AKNA: variants seen among roughly 807,000 people sequenced by gnomAD.
AKNA encodes AT-hook transcription factor.
In AKNA, 67 loss-of-function variants were observed where a neutral mutation model predicts 138.8. That is an observed-to-expected ratio of 0.48 (90% CI 0.40 to 0.59). The LOEUF (loss-of-function observed/expected upper bound fraction) is 0.59. Among genes scored for constraint, AKNA ranks in the 20% least tolerant of loss-of-function variants. The pLI is 0.00. For missense variants in AKNA, 1,813 were observed against 1,880.4 expected, an observed-to-expected ratio of 0.96 and a Z score of 0.66; for synonymous variants, 737 against 754.4, an observed-to-expected ratio of 0.98 and a Z score of 0.38.
chr9:114,334,992 T>A lies in AKNA; in HGVS notation c.*2062A>T, dbSNP rs1395762701. The A allele has an allele frequency of 6.6e-6, 1 of 152,200 alleles. No homozygotes were observed. The highest frequency in any genetic ancestry group is 1.5e-5 in the Non-Finnish European group (1 of 68,052). 9.4% of individuals were successfully genotyped at this position (152,200 alleles called of 1,614,324 possible). A position where few individuals can be genotyped will look rare whatever the true frequency, so the allele number is the denominator to read the frequency against. Reference sequence around the variant, plus strand: ...GGACAGCCTCTGGGGTCCCACAATGTCCTGGAACTGAAGGCTCAGAACCTA... The same window carrying A: ...GGACAGCCTCTGGGGTCCCACAATGACCTGGAACTGAAGGCTCAGAACCTA... On this transcript the variant is annotated 3_prime_UTR_variant, in exon 22 of 22. Transcript: ENST00000374088.
chr9:114,381,535 A>G, intron 1 of AKNA, 89 bp from the exon 2 acceptor site: 1 of 1,244,618 alleles, frequency 8.0e-7, no homozygotes, highest in South Asian at 3.1e-5. Context: ...GAACTCTGGA[A>G]TTAGCCCCAG....
intron 14 of AKNA, among the ~76,000 whole-genome samples, chr9:114,351,898 T>C (rs1831150798): frequency 6.6e-6 from 1 of 152,096 alleles, no homozygotes; most frequent in African/African-American, 2.4e-5. Context: ...CAGCAATATA[T>C]AAAGGAGCTA....
At chr9:114,397,955 C>A (rs944928664), upstream of AKNA, among the ~76,000 whole-genome samples, 3 of 152,154 alleles carry the variant, frequency 2.0e-5, no homozygotes, top group African/African-American at 7.2e-5. Flanking sequence ...GCTGGGTGAA[C>A]GAATCTCACA....
In AKNA at chr9:114,376,670, G is replaced by T. The variant is rs778731230; in HGVS notation, c.1137C>A (p.Pro379=). 1.4e-5 allele frequency: 22 copies of T among 1,613,344 alleles called. No homozygotes were observed. Among genetic ancestry groups the T allele is most frequent in the Non-Finnish European group, 1.9e-5 (22 of 1,179,764 alleles). ...GCTTCCTGTTGTGGCTTCTGGACTT[G>T]GGGGGACGGTAGCTCTCATCTTTGG... is the stretch of plus-strand genomic sequence containing the variant. ...RFPKDESYRP[P]KSRSHNRKPQ... The change falls in exon 3 of 22, where the codon CCC becomes CCA. Residue 379 remains proline (P), a synonymous_variant. Transcript: ENST00000374088.
intron 6 of AKNA, among the ~76,000 whole-genome samples, 175 bp downstream of exon 6, chr9:114,367,368 G>A (rs563027382): frequency 6.6e-6 from 1 of 152,262 alleles, no homozygotes; most frequent in East Asian, 1.9e-4. Context: ...CTGGAGCTGT[G>A]TGGCCTCTAA....
At chr9:114,346,329 C>A (rs1830683187) in intron 17 of AKNA, among the ~76,000 whole-genome samples, 1 of 152,208 alleles carries the variant, frequency 6.6e-6, no homozygotes, top group African/African-American at 2.4e-5. Flanking sequence ...GGGGAGCTCG[C>A]TGATCCCGGC....
At chr9:114,368,681 C>T in intron 4 of AKNA, 86 bp from the exon 5 acceptor site, 2 of 1,131,352 alleles carry the variant, frequency 1.8e-6, no homozygotes, top group Admixed American at 4.0e-5. Context: ...AGGAGCTCAA[C>T]ACACATGCCC....
chr9:114,382,878 G>A (rs1350822410), intron 1 of AKNA, among the ~76,000 whole-genome samples: 1 of 152,110 alleles, frequency 6.6e-6, no homozygotes, highest in Non-Finnish European at 1.5e-5. Flanking sequence ...CTTCTGAAGT[G>A]ATGAAAATGT....
chr9:114,353,599 A>G (rs764891016), intron 14 of AKNA, among the ~76,000 whole-genome samples: 5 of 152,188 alleles, frequency 3.3e-5, no homozygotes, highest in Non-Finnish European at 7.4e-5. Context: ...GCATCACTTA[A>G]TATTGGGTAT....
chr9:114,392,038 G>A (rs1037234677), upstream of AKNA, among the ~76,000 whole-genome samples: 3 of 148,390 alleles, frequency 2.0e-5, no homozygotes, highest in Admixed American at 6.9e-5. Context: ...CCTGGGAGGC[G>A]GAGGTTGCAG....
intron 16 of AKNA, 63 bp from the exon 17 acceptor site, chr9:114,346,847 T>C (rs1164167911): frequency 2.0e-5 from 27 of 1,379,482 alleles, no homozygotes; most frequent in South Asian, 3.7e-5. Context: ...TAAAGGTTAT[T>C]TGTGAGAAGT....
In AKNA at chr9:114,356,859, A is replaced by G. The variant is rs959571505; in HGVS notation, c.2846+4T>C. On this transcript the variant is annotated splice_donor_region_variant and intron_variant, in intron 13 of 21. Transcript: ENST00000374088. ...GACGGGACAATGGCGGGATCCCGGGATACCTGATGTGGGAGAGCCGGTGCT... is the reference window on the plus strand; with the variant it reads ...GACGGGACAATGGCGGGATCCCGGGGTACCTGATGTGGGAGAGCCGGTGCT... 77 of 1,537,380 alleles carry G rather than the reference A, an allele frequency of 5.0e-5. No individual in the cohort carries two copies. The highest frequency in any genetic ancestry group is 6.4e-5 in the Non-Finnish European group (74 of 1,151,592).
intron 6 of AKNA, 39 bp from the exon 7 acceptor site, chr9:114,364,658 CCA>C: frequency 6.2e-7 from 1 of 1,605,602 alleles, no homozygotes; most frequent in Non-Finnish European, 8.5e-7. Context: ...CTCCATTAAT[CCA>C]GTCCTGTAGA....
intron 2 of AKNA, among the ~76,000 whole-genome samples, chr9:114,379,118 G>C (rs763013936): frequency 6.6e-6 from 1 of 152,224 alleles, no homozygotes; most frequent in Non-Finnish European, 1.5e-5. Context: ...AGCCATGCAG[G>C]TGAGTTTGCT....
intron 6 of AKNA, among the ~76,000 whole-genome samples, chr9:114,366,430 A>G (rs79369951): frequency 0.019 from 2,943 of 152,276 alleles, 94 homozygotes; most frequent in African/African-American, 0.067. Flanking sequence ...ACAATAGGCA[A>G]GCCTATAAAG....
At chr9:114,348,989 C>T in intron 15 of AKNA, 1 of 456,230 alleles carries the variant, frequency 2.2e-6, no homozygotes, top group South Asian at 1.5e-5. Context: ...CTCTTCCTGG[C>T]TGTGCCCCAG....
Position 114,381,413 on chromosome 9 carries a change from G to A in AKNA, c.-80C>T. Reference sequence around the variant, plus strand: ...TGCCAGGGGCCCCAGAGTCACCGCTGGTTCCTGTCAGCATCGGCCATCCTG... The same window carrying A: ...TGCCAGGGGCCCCAGAGTCACCGCTAGTTCCTGTCAGCATCGGCCATCCTG... On this transcript the variant is annotated 5_prime_UTR_variant, in exon 2 of 22. It introduces an in-frame stop codon into an upstream open reading frame of the 5' UTR. Coordinates refer to ENST00000374088, the MANE Select transcript of AKNA (RefSeq NM_001317950.2). 1 of 1,446,518 alleles carries A rather than the reference G, an allele frequency of 6.9e-7. No homozygotes were observed. Among genetic ancestry groups the A allele is most frequent in the East Asian group, 2.5e-5 (1 of 39,818 alleles). 89.6% of individuals were successfully genotyped at this position (1,446,518 alleles called of 1,614,324 possible). A position where few individuals can be genotyped will look rare whatever the true frequency, so the allele number is the denominator to read the frequency against.
intron 19 of AKNA, among the ~76,000 whole-genome samples, chr9:114,343,206 C>T (rs532979126): frequency 1.4e-4 from 21 of 152,328 alleles, no homozygotes; most frequent in African/African-American, 4.8e-4. Context: ...ATTATCATCA[C>T]TATTGCTTGA....
Position 114,367,664 on chromosome 9 carries a change from G to A in AKNA, c.1607C>T (p.Ser536Phe), listed in dbSNP as rs139014631. Residue 536 changes from serine to phenylalanine, a missense_variant, in exon 6 of 22, where the codon TCC (serine) becomes TTC (phenylalanine). Ser to Phe is a radical substitution (Grantham distance 155). Transcript: ENST00000374088. ...WPSARGDLSP[S>F]SLTSMPTLGW... ...CAGGGTGGGCATGCTGGTAAGCGAG[G>A]AGGGGCTCAAGTCTCCTCGAGCTGA... 5.0e-6 allele frequency: 8 copies of A among 1,596,068 alleles called. No homozygotes were observed. In the African/African-American group the frequency reaches 6.7e-5, roughly 13 times the overall value.
Sources: allele counts gnomAD v4.1 joint callset (sites outside exome capture counted in the v4.1 genomes callset), GRCh38; gene constraint gnomAD v4.1.1; transcripts MANE v1.5; gene names NCBI Gene and HGNC (gene_info 2026-07-23, HGNC 2026-07-21).